PCNT: variants seen among roughly 807,000 people sequenced by gnomAD.
PCNT encodes the protein kendrin.
PCNT carries 319 observed loss-of-function variants against 380.4 expected under a neutral mutation model. That is an observed-to-expected ratio of 0.84 (90% CI 0.77 to 0.92). The LOEUF (loss-of-function observed/expected upper bound fraction) is 0.92, where lower values mean the gene tolerates loss of function less well. Ranked by LOEUF, PCNT falls within the 40% of genes least tolerant of loss-of-function variation. The pLI is 0.00. For synonymous variants in PCNT, 1,845 were observed against 1,735.2 expected (o/e 1.06, Z -1.57); for missense variants, 4,400 against 4,255.3 (o/e 1.03, Z -0.95).
intron 13 of PCNT, among the ~76,000 whole-genome samples, chr21:46,361,489 C>T (rs1445974606): frequency 6.6e-6 from 1 of 152,222 alleles, no homozygotes; most frequent in African/African-American, 2.4e-5. Flanking sequence ...TAAACTGTGA[C>T]CTCTAACTGC....
chr21:46,391,250 G>T lies in PCNT; in HGVS notation c.4090G>T (p.Glu1364Ter). ...KEDSEHRLVL[E>*]LESLRRQLQQ... ...GGATTCCGAGCACCGTCTGGTGCTG[G>T]AGCTGGAGAGCCTGAGACGGCAGCT... is the stretch of plus-strand genomic sequence containing the variant. The change falls in exon 21 of 47, where the codon GAG becomes TAG. Residue 1364 changes from glutamate to a stop codon, truncating the protein, a stop_gained. Transcript: ENST00000359568. LOFTEE classifies it high-confidence loss of function. 1 of 1,603,928 alleles carries T rather than the reference G, an allele frequency of 6.2e-7. No homozygotes were observed.
chr21:46,397,177 A>T, intron 21 of PCNT, 88 bp from the exon 22 acceptor site: 1 of 1,058,524 alleles, frequency 9.4e-7, no homozygotes, highest in Non-Finnish European at 1.5e-6. Flanking sequence ...GTGGGTTTTG[A>T]CTGAATCACC....
intron 15 of PCNT, among the ~76,000 whole-genome samples, chr21:46,372,994 C>T (rs916938977): frequency 6.6e-6 from 1 of 152,124 alleles, no homozygotes; most frequent in African/African-American, 2.4e-5. Flanking sequence ...TGTCCTTTAA[C>T]CTGTACTTTT....
intron 11 of PCNT, among the ~76,000 whole-genome samples, chr21:46,355,067 G>A (rs572444379): frequency 1.8e-4 from 27 of 152,206 alleles, no homozygotes; most frequent in Non-Finnish European, 3.7e-4. Context: ...GGTCACAGGA[G>A]GCTGGCCTTG....
chr21:46,438,669 AT>A (rs34152810), intron 41 of PCNT, among the ~76,000 whole-genome samples: 29,865 of 127,094 alleles, frequency 0.23, 2,453 homozygotes, highest in East Asian at 0.3. Flanking sequence ...GTGATTTATA[AT>A]TTTTTTTTTT....
chr21:46,399,269 G>C (rs371477898), intron 24 of PCNT, among the ~76,000 whole-genome samples: 19 of 147,768 alleles, frequency 1.3e-4, no homozygotes, highest in African/African-American at 2.2e-4. Context: ...CAGCCTGTGG[G>C]TCTGGGTCTC....
At chr21:46,389,110 G>A in intron 18 of PCNT, 89 bp from the exon 19 acceptor site, 1 of 1,406,142 alleles carries the variant, frequency 7.1e-7, no homozygotes, top group East Asian at 2.4e-5. Flanking sequence ...GACGTTCTGA[G>A]TTCTGTGGCT....
intron 15 of PCNT, among the ~76,000 whole-genome samples, chr21:46,369,101 G>A (rs1282300326): frequency 1.3e-5 from 2 of 152,210 alleles, no homozygotes; most frequent in East Asian, 3.8e-4. Flanking sequence ...GATCTTGGGG[G>A]AATTCCTAGA....
rs138834119 is a variant in PCNT, at chr21:46,334,450, G to T, written c.321G>T (p.Lys107Asn). ...AGGACTTGGAACAGCTGCAGCAGAA[G>T]CAAGTCAATGACCATCCTCCAGAGC... ...KREDLEQLQQ[K>N]QVNDHPPEQC... Residue 107 changes from lysine (K) to asparagine (N), a missense_variant, in exon 3 of 47, where the codon AAG becomes AAT. Lys to Asn is a moderately conservative substitution (Grantham distance 94). Coordinates refer to ENST00000359568, the MANE Select transcript of PCNT (RefSeq NM_006031.6). 8 of 1,614,108 alleles carry T rather than the reference G, an allele frequency of 5.0e-6. No homozygotes were observed. The Admixed American group carries it at 5.0e-5, about 10-fold the overall frequency.
chr21:46,436,915 T>G, intron 39 of PCNT, 64 bp from the exon 40 acceptor site: 1 of 1,137,964 alleles, frequency 8.8e-7, no homozygotes, highest in Non-Finnish European at 1.3e-6. Flanking sequence ...GAGCTCTTGT[T>G]TAGTTTTGCA....
intron 29 of PCNT, among the ~76,000 whole-genome samples, chr21:46,415,081 C>T (rs866847606): frequency 3.9e-5 from 6 of 152,238 alleles, no homozygotes; most frequent in East Asian, 1.9e-4. Context: ...TCGCAGCCCT[C>T]GTGAGTGTCC....
At chr21:46,434,445 C>T (rs554830566) in intron 38 of PCNT, among the ~76,000 whole-genome samples, 2 of 152,368 alleles carry the variant, frequency 1.3e-5, no homozygotes, top group South Asian at 4.1e-4. Flanking sequence ...CGGCAAGCCG[C>T]CTCTGTGTGT....
rs117919923 is a variant in PCNT, at chr21:46,438,489, A to C, written c.9273+152A>C. ...CGCCAGGCTCTGTTGCCTCTGTCTGAAGCCTTGCTAAATGTTGTGGGATGT... is the reference window on the plus strand; with the variant it reads ...CGCCAGGCTCTGTTGCCTCTGTCTGCAGCCTTGCTAAATGTTGTGGGATGT... On this transcript the variant is annotated intron_variant, in intron 41 of 46. Transcript: ENST00000359568. 1,653 of 698,716 alleles carry C rather than the reference A, an allele frequency of 2.4e-3. 15 individuals are homozygous for C. Among genetic ancestry groups the C allele is most frequent in the East Asian group, 0.012 (427 of 36,748 alleles). The allele number at this position is 698,716 out of a possible 1,614,324, so 43.3% of individuals were successfully genotyped here. A position where few individuals can be genotyped will look rare whatever the true frequency, so the allele number is the denominator to read the frequency against.
chr21:46,368,990 C>T (rs2085026417), intron 15 of PCNT, among the ~76,000 whole-genome samples: 2 of 152,234 alleles, frequency 1.3e-5, no homozygotes, highest in Admixed American at 6.5e-5. Flanking sequence ...TGCTTTCCTT[C>T]AGCTCTGTGT....
At chr21:46,332,119 C>G (rs2083578911) in intron 2 of PCNT, among the ~76,000 whole-genome samples, 1 of 152,228 alleles carries the variant, frequency 6.6e-6, no homozygotes, top group African/African-American at 2.4e-5. Flanking sequence ...GAGATCGCGC[C>G]ATTGCACTCC....
At chr21:46,341,321 G>A (rs1221795763) in intron 3 of PCNT, among the ~76,000 whole-genome samples, 2 of 151,794 alleles carry the variant, frequency 1.3e-5, no homozygotes, top group East Asian at 1.9e-4. Context: ...CCGTTATTCC[G>A]CTTGGAGTAG....
intron 1 of PCNT, chr21:46,324,878 G>C: frequency 1.0e-6 from 1 of 985,474 alleles, no homozygotes; most frequent in Non-Finnish European, 1.2e-6. Flanking sequence ...TTCCCCGCGC[G>C]TTTCTCGCGG....
Position 46,385,864 on chromosome 21 carries a change from G to C in PCNT, c.3345G>C (p.Glu1115Asp), listed in dbSNP as rs1431906121. ...ACCAGGTTTTATCCTTAAGTCACGA[G>C]ATAGAAGAGTGCCGCTCCGAGTTGG... The part of the protein sequence containing the change: ...LKDQVLSLSH[E>D]IEECRSELEV... The change falls in exon 17 of 47, where the codon GAG becomes GAC. Residue 1115 changes from glutamate (E) to aspartate (D), a missense_variant. Transcript: ENST00000359568. The C allele has an allele frequency of 6.2e-7, 1 of 1,614,104 alleles. No homozygotes were observed.
rs527300312 is a variant in PCNT at position 46,374,086 on chromosome 21, T to C, written c.3165+6947T>C. Reference sequence around the variant, plus strand: ...TAGCTGATTTCACAGAAGAAAACAATTGGGCTGTGGGGAGGTGGGATGTAC... The same window carrying C: ...TAGCTGATTTCACAGAAGAAAACAACTGGGCTGTGGGGAGGTGGGATGTAC... On this transcript the variant is annotated intron_variant, in intron 15 of 46. Transcript: ENST00000359568. Among the ~76,000 whole-genome samples, 175 of 152,216 alleles carry C rather than the reference T, an allele frequency of 1.1e-3. 1 individual carries two copies. The highest frequency in any genetic ancestry group is 3.0e-3 in the Admixed American group (46 of 15,286).
Sources: gnomAD v4.1 joint callset for allele counts (sites outside exome capture counted in the v4.1 genomes callset) on GRCh38, gnomAD v4.1.1 for gene constraint, MANE v1.5 for transcripts, NCBI Gene and HGNC (gene_info 2026-07-23, HGNC 2026-07-21) for gene names.